Variants in DYM observed in about 807,000 individuals in gnomAD.
DYM encodes the protein dymeclin.
In DYM, 78 loss-of-function variants were observed where a neutral mutation model predicts 93.1. The ratio of observed to expected loss-of-function variants is 0.84; its 90% CI spans 0.70 to 1.01. The LOEUF (loss-of-function observed/expected upper bound fraction) is 1.01, where lower values mean the gene tolerates loss of function less well. Among genes scored for constraint, DYM ranks in the 50% least tolerant of loss-of-function variants. The pLI is 0.00. For missense variants in DYM, 789 were observed against 845.0 expected (o/e 0.93, Z 0.82); for synonymous variants, 321 against 319.7 (o/e 1.00, Z -0.04).
At chr18:49,317,592 TCTCTCCCCCCTCCCCCCTCCCTC>T (rs2062055771) in intron 8 of DYM, among the ~76,000 whole-genome samples, 5 of 11,446 alleles carry the variant, frequency 4.4e-4, no homozygotes, top group African/African-American at 2.8e-3. Context: ...TCTCTCTCTC[TCTCTCCCCCCTCCCCCCTCCCTC>T]CCTCCCTCCC....
intron 2 of DYM, among the ~76,000 whole-genome samples, chr18:49,404,318 T>C (rs2071205454): frequency 6.6e-6 from 1 of 152,158 alleles, no homozygotes; most frequent in Non-Finnish European, 1.5e-5. Context: ...TCCAATCCAC[T>C]GTTGATGGGC....
intron 13 of DYM, among the ~76,000 whole-genome samples, chr18:49,235,818 G>C (rs527755226): frequency 6.7e-6 from 1 of 148,316 alleles, no homozygotes; most frequent in South Asian, 2.1e-4. Context: ...AAAATCTTTC[G>C]ATCATCACAC....
chr18:49,404,820 C>T (rs549009244), intron 2 of DYM, among the ~76,000 whole-genome samples: 72 of 152,140 alleles, frequency 4.7e-4, no homozygotes, highest in Non-Finnish European at 9.1e-4. Context: ...GAGTTCGAGA[C>T]CAGCCTGACC....
chr18:49,424,739 T>C (rs1460426202), intron 2 of DYM, among the ~76,000 whole-genome samples: 1 of 152,192 alleles, frequency 6.6e-6, no homozygotes, highest in Non-Finnish European at 1.5e-5. Flanking sequence ...AGCATTCTTA[T>C]ACACCAATAA....
At chr18:49,094,467 T>C (rs1168398980) in intron 17 of DYM, among the ~76,000 whole-genome samples, 1 of 152,156 alleles carries the variant, frequency 6.6e-6, no homozygotes, top group Non-Finnish European at 1.5e-5. Context: ...GTTCTTTAGG[T>C]CTCTGTTTAA....
intron 17 of DYM, among the ~76,000 whole-genome samples, chr18:49,063,619 CTTTTTTTTTTT>C (rs67482709): frequency 2.8e-5 from 2 of 71,966 alleles, no homozygotes; most frequent in African/African-American, 4.9e-5. Context: ...CTTTCTCTCT[CTTTTTTTTTTT>C]TTTTTTTTTT....
At chr18:49,292,624 A>C (rs797017854) in intron 8 of DYM, among the ~76,000 whole-genome samples, 3,497 of 64,946 alleles carry the variant, frequency 0.054, 415 homozygotes, top group South Asian at 0.092. Flanking sequence ...AAAAAAAAAA[A>C]ACCCCCACAA....
At chr18:49,441,236 A>T (rs868711703) in intron 1 of DYM, among the ~76,000 whole-genome samples, 21 of 43,722 alleles carry the variant, frequency 4.8e-4, no homozygotes, top group East Asian at 1.7e-3. Flanking sequence ...TATTATATAT[A>T]ATATACATAA....
intron 14 of DYM, among the ~76,000 whole-genome samples, chr18:49,173,890 A>G (rs1477223979): frequency 6.6e-6 from 1 of 152,146 alleles, no homozygotes; most frequent in Admixed American, 6.6e-5. Context: ...ATAGTACAAT[A>G]CTGAATAAAG....
chr18:49,243,034 G>C (rs922748731), intron 13 of DYM, among the ~76,000 whole-genome samples: 1 of 152,138 alleles, frequency 6.6e-6, no homozygotes, highest in Non-Finnish European at 1.5e-5. Context: ...CTTAGGGAAC[G>C]GCCAAGAGCC....
intron 15 of DYM, among the ~76,000 whole-genome samples, chr18:49,141,914 C>T (rs536239042): frequency 2.9e-4 from 44 of 152,032 alleles, no homozygotes; most frequent in East Asian, 5.8e-4. Context: ...AGTGCAGTGG[C>T]GCAATCTCCG....
At chr18:49,090,656 T>C (rs1232985353) in intron 17 of DYM, among the ~76,000 whole-genome samples, 1 of 152,174 alleles carries the variant, frequency 6.6e-6, no homozygotes, top group Non-Finnish European at 1.5e-5. Flanking sequence ...ACAGTGGCTC[T>C]TTATTGGACT....
intron 9 of DYM, 152 bp from the exon 10 acceptor site, chr18:49,282,327 C>T: frequency 3.4e-6 from 3 of 882,858 alleles, no homozygotes; most frequent in Non-Finnish European, 5.3e-6. Context: ...GTAAAATTTA[C>T]TTTAGGGCCA....
At chr18:49,240,317 G>T (rs1383927108) in intron 13 of DYM, among the ~76,000 whole-genome samples, 1 of 152,072 alleles carries the variant, frequency 6.6e-6, no homozygotes, top group East Asian at 1.9e-4. Flanking sequence ...GAACCCCAAA[G>T]AATTTTTTCA....
In DYM at chr18:49,044,102, A is replaced by G; in HGVS notation, c.2128T>C (p.Tyr710His). 1 of 1,614,096 alleles carries G rather than the reference A, an allele frequency of 6.2e-7. No individual in the cohort carries two copies. Among genetic ancestry groups the G allele is most frequent in the South Asian group, 1.1e-5 (1 of 91,084 alleles). Residue 710 changes from tyrosine (Y) to histidine (H), a missense_variant, in exon 18 of 18, where the codon TAC (tyrosine) becomes CAC (histidine). By Grantham distance (83) the Tyr-to-His change is moderately conservative. Transcript: ENST00000675505. The part of the protein sequence containing the change: ...SLVYNSAVGL[Y>H]WNPQDIQLFT... The stretch of plus-strand genomic sequence containing the variant: ...AGCTGGATGTCCTGTGGATTCCAGT[A>G]CAGGCCGACTGCTGAGTTGTAGACA...
intron 5 of DYM, among the ~76,000 whole-genome samples, chr18:49,370,962 C>A (rs2082543571): frequency 6.6e-6 from 1 of 152,104 alleles, no homozygotes; most frequent in South Asian, 2.1e-4. Context: ...AATAAATGGA[C>A]TTGAATCCAG....
At chr18:49,147,437 A>C (rs2085288325) in intron 15 of DYM, among the ~76,000 whole-genome samples, 3 of 152,210 alleles carry the variant, frequency 2.0e-5, no homozygotes, top group Admixed American at 2.0e-4. Flanking sequence ...AAATTTTTGC[A>C]GTCTACTCAT....
At chr18:49,059,049 A>G (rs2075737761) in intron 17 of DYM, among the ~76,000 whole-genome samples, 1 of 152,236 alleles carries the variant, frequency 6.6e-6, no homozygotes, top group Admixed American at 6.5e-5. Flanking sequence ...CTGTAAATAC[A>G]TCTTCTATGG....
At chr18:49,281,881 C>T in intron 10 of DYM, 116 bp downstream of exon 10, 2 of 1,000,960 alleles carry the variant, frequency 2.0e-6, no homozygotes, top group South Asian at 1.7e-5. Flanking sequence ...TGCAGCACAC[C>T]AACATGGCAC....
Sources: gnomAD v4.1 joint callset for allele counts (sites outside exome capture counted in the v4.1 genomes callset) on GRCh38, gnomAD v4.1.1 for gene constraint, MANE v1.5 for transcripts, NCBI Gene and HGNC (gene_info 2026-07-23, HGNC 2026-07-21) for gene names.